Variants in SYNJ2 observed in about 807,000 individuals in gnomAD.
The protein encoded by SYNJ2 is synaptojanin 2.
SYNJ2 carries 116 observed loss-of-function variants against 141.3 expected under a neutral mutation model. That is an observed-to-expected ratio of 0.82 (90% CI 0.71 to 0.96). The LOEUF is 0.96. Ranked by LOEUF, SYNJ2 falls within the 40% of genes least tolerant of loss-of-function variation. The pLI is 0.00. For missense variants in SYNJ2, 1,873 were observed against 1,934.8 expected (o/e 0.97, Z 0.60); for synonymous variants, 745 against 777.7 (o/e 0.96, Z 0.70).
intron 1 of SYNJ2, among the ~76,000 whole-genome samples, chr6:158,011,068 G>A (rs937150811): frequency 2.0e-5 from 3 of 151,594 alleles, no homozygotes; most frequent in African/African-American, 4.9e-5. Flanking sequence ...ATGGTGGGGG[G>A]ACACGTGAGG....
At chr6:157,991,073 C>T (rs1018607673) in intron 1 of SYNJ2, among the ~76,000 whole-genome samples, 2 of 152,206 alleles carry the variant, frequency 1.3e-5, no homozygotes, top group African/African-American at 4.8e-5. Context: ...GCATGTGCCA[C>T]GCCAGGAGAG....
chr6:158,059,606 G>T, intron 7 of SYNJ2: 1 of 1,155,034 alleles, frequency 8.7e-7, no homozygotes, highest in Non-Finnish European at 1.1e-6. Flanking sequence ...TCAGGCTGGA[G>T]TGCAGTGGTG....
chr6:157,987,815 T>A (rs1378838583), intron 1 of SYNJ2, among the ~76,000 whole-genome samples: 2 of 152,244 alleles, frequency 1.3e-5, no homozygotes, highest in African/African-American at 4.8e-5. Context: ...ACTTGGCAGA[T>A]TTCGTGTGGC....
intron 2 of SYNJ2, among the ~76,000 whole-genome samples, chr6:158,021,591 G>T (rs951512368): frequency 6.6e-6 from 1 of 152,146 alleles, no homozygotes; most frequent in African/African-American, 2.4e-5. Flanking sequence ...GCCTGCAGAG[G>T]GCTGAGGACG....
chr6:158,095,738 C>A lies in SYNJ2; in HGVS notation c.3865C>A (p.Pro1289Thr), dbSNP rs1377281625. 1.9e-6 allele frequency: 3 copies of A among 1,614,144 alleles called. No homozygotes were observed. The highest frequency in any genetic ancestry group is 3.3e-5 in the Admixed American group (2 of 60,024). ...CCCTCGAGTCCCTCCTGTTCCCAAA[C>A]CAAGAACATTTCAGCCTGGGAAAGC... is the stretch of plus-strand genomic sequence containing the variant. ...TAPRVPPVPK[P>T]RTFQPGKAAE... is the part of the protein sequence containing the mutation. The change falls in exon 27 of 27, where the codon CCA becomes ACA. Residue 1289 changes from proline to threonine, a missense_variant. Physicochemically the swap from Pro to Thr is conservative, Grantham distance 38. Coordinates refer to ENST00000355585, the MANE Select transcript of SYNJ2 (RefSeq NM_003898.4).
chr6:158,078,258 G>A lies in SYNJ2; in HGVS notation c.2544G>A (p.Ala848=), dbSNP rs139533347. Residue 848 remains alanine, a synonymous_variant, in exon 18 of 27, where the codon GCG becomes GCA. Transcript: ENST00000355585. ...SPGALQYYGR[A]ELQASDHRPV... is the part of the protein sequence containing the mutation. ...GTGCCCTGCAGTATTATGGTCGTGC[G>A]GAGCTACAAGCGTCTGATCACAGGT... 1,581 of 1,613,708 alleles carry A rather than the reference G, an allele frequency of 9.8e-4. 4 individuals carry two copies. The highest frequency in any genetic ancestry group is 2.6e-3 in the Middle Eastern group (16 of 6,062).
intron 2 of SYNJ2, among the ~76,000 whole-genome samples, chr6:158,018,646 A>G (rs527331612): frequency 2.5e-3 from 380 of 152,386 alleles, no homozygotes; most frequent in Non-Finnish European, 3.8e-3. Flanking sequence ...CAGTACCCAC[A>G]TGACAAAGTG....
chr6:158,063,142 C>G (rs371713256), intron 8 of SYNJ2, among the ~76,000 whole-genome samples: 5 of 152,300 alleles, frequency 3.3e-5, no homozygotes. Context: ...GAACCTAACC[C>G]TATATTTCCC....
chr6:158,070,473 G>T lies in SYNJ2; in HGVS notation c.1940+800G>T. 3.0e-6 allele frequency: 3 copies of T among 985,428 alleles called. No individual in the cohort carries two copies. The South Asian group carries it at 1.4e-4, about 46-fold the overall frequency. The allele number at this position is 985,428 out of a possible 1,614,324, so 61.0% of individuals were successfully genotyped here. ...CTGTCCCTCTGCTTGTGTTATTTGG[G>T]CAGCTTGGCAGTGTCCTAGGTTAGC... On this transcript the variant is annotated intron_variant, in intron 14 of 26. Coordinates refer to ENST00000355585, the MANE Select transcript of SYNJ2 (RefSeq NM_003898.4). This position sits in a 1 kb window ranked among gnomAD's most constrained non-coding sequence, Gnocchi z 4.0.
chr6:158,016,745 T>C (rs1778474674), intron 1 of SYNJ2, among the ~76,000 whole-genome samples: 1 of 152,190 alleles, frequency 6.6e-6, no homozygotes. Context: ...TGGGATGGGT[T>C]GGACCCAGGC....
Position 158,040,200 on chromosome 6 carries a change from C to T in SYNJ2, c.712-3116C>T, listed in dbSNP as rs11968089. On this transcript the variant is annotated intron_variant, in intron 4 of 26. Transcript: ENST00000355585. This position sits in a 1 kb window ranked among gnomAD's most constrained non-coding sequence, Gnocchi z 4.2. Reference sequence around the variant, plus strand: ...ATGGGTTGTATGTGTACAGTGTGTGCGTGGTATGTGCATTTATGTGTTGTA... The same window carrying T: ...ATGGGTTGTATGTGTACAGTGTGTGTGTGGTATGTGCATTTATGTGTTGTA... Among the ~76,000 whole-genome samples the T allele has an allele frequency of 4.1e-3, 614 of 151,512 alleles. 3 individuals are homozygous for T. Among genetic ancestry groups the T allele is most frequent in the East Asian group, 0.013 (65 of 5,178 alleles).
In SYNJ2 at chr6:158,095,781, A is replaced by G; in HGVS notation, c.3908A>G (p.His1303Arg). Reference sequence around the variant, plus strand: ...GGGAAAGCTGCAGAGAGGCCAAGCCACAGGAAGCCAGCATCAGACGAAGCC... The same window carrying G: ...GGGAAAGCTGCAGAGAGGCCAAGCCGCAGGAAGCCAGCATCAGACGAAGCC... The part of the protein sequence containing the change: ...QPGKAAERPS[H>R]RKPASDEAPP... The change falls in exon 27 of 27, where the codon CAC (histidine) becomes CGC (arginine). Residue 1303 changes from histidine (H) to arginine (R), a missense_variant. By Grantham distance (29) the His-to-Arg change is conservative. Transcript: ENST00000355585. The G allele has an allele frequency of 6.2e-7, 1 of 1,614,126 alleles. No individual in the cohort carries two copies. Among genetic ancestry groups the G allele is most frequent in the Non-Finnish European group, 8.5e-7 (1 of 1,180,020 alleles).
chr6:158,042,216 A>C (rs184271433), intron 4 of SYNJ2, among the ~76,000 whole-genome samples: 50 of 152,378 alleles, frequency 3.3e-4, no homozygotes, highest in African/African-American at 1.2e-3. Flanking sequence ...GCTGGTACTC[A>C]ATACCTGGAA....
rs1782894957 is a variant in SYNJ2, at chr6:158,084,227, C to T, written c.3208+53C>T. On this transcript the variant is annotated intron_variant, in intron 22 of 26. Coordinates refer to ENST00000355585, the MANE Select transcript of SYNJ2 (RefSeq NM_003898.4). This position sits in a 1 kb window ranked among gnomAD's most constrained non-coding sequence, Gnocchi z 5.0. ...CCTCAGCGATGGAGTCAGCTCAGGA[C>T]AGACTTTCCTTTTTCTCTTGGCGAT... 2 of 1,565,176 alleles carry T rather than the reference C, an allele frequency of 1.3e-6. No individual in the cohort carries two copies. The highest frequency in any genetic ancestry group is 1.7e-6 in the Non-Finnish European group (2 of 1,154,240).
intron 1 of SYNJ2, among the ~76,000 whole-genome samples, chr6:158,012,029 C>T (rs1778287103): frequency 6.6e-6 from 1 of 152,210 alleles, no homozygotes; most frequent in South Asian, 2.1e-4. Flanking sequence ...TGGGGGAAGA[C>T]ATTTGGCAAT....
Position 158,029,002 on chromosome 6 carries a change from C to G in SYNJ2, c.461C>G (p.Ser154Cys). The G allele has an allele frequency of 6.5e-7, 1 of 1,529,762 alleles. No homozygotes were observed. Among genetic ancestry groups the G allele is most frequent in the Non-Finnish European group, 8.8e-7 (1 of 1,142,798 alleles). The allele number at this position is 1,529,762 out of a possible 1,614,324, so 94.8% of individuals were successfully genotyped here. A position where few individuals can be genotyped will look rare whatever the true frequency, so the allele number is the denominator to read the frequency against. Residue 154 changes from serine (S) to cysteine (C), a missense_variant, in exon 3 of 27, where the codon TCT (serine) becomes TGT (cysteine). By Grantham distance (112) the Ser-to-Cys change is moderately radical. Transcript: ENST00000355585. Reference protein sequence around the residue: ...VRTQKQGDDSSEWGNSFFWNQ... With the variant: ...VRTQKQGDDSCEWGNSFFWNQ... The stretch of plus-strand genomic sequence containing the variant: ...ACGCAGAAGCAGGGGGATGACAGCT[C>G]TGAATGGGGGAACTCCTTCTTCTGG...
chr6:158,094,022 T>A, intron 26 of SYNJ2: 1 of 764,904 alleles, frequency 1.3e-6, no homozygotes, highest in South Asian at 1.3e-5. Context: ...CTCAGTGTTC[T>A]AGTAACGGAC....
At chr6:158,092,779 A>G in intron 25 of SYNJ2, 147 bp from the exon 26 acceptor site, 1 of 776,182 alleles carries the variant, frequency 1.3e-6, no homozygotes, top group Non-Finnish European at 1.9e-6. Context: ...AAGAAAAAAG[A>G]AAAAAAGCTG....
At chr6:157,983,444 C>T (rs1281840494) in intron 1 of SYNJ2, among the ~76,000 whole-genome samples, 1 of 152,216 alleles carries the variant, frequency 6.6e-6, no homozygotes, top group African/African-American at 2.4e-5. Flanking sequence ...ATGTCTACTT[C>T]ATACCACATT....
Sources: allele counts gnomAD v4.1 joint callset (sites outside exome capture counted in the v4.1 genomes callset), GRCh38; gene constraint gnomAD v4.1.1; non-coding constraint Gnocchi (gnomAD v3.1); transcripts MANE v1.5; gene names NCBI Gene and HGNC (gene_info 2026-07-23, HGNC 2026-07-21).